ADGRL3: variants seen among roughly 807,000 people sequenced by gnomAD.
The protein encoded by ADGRL3 is adhesion G protein-coupled receptor L3.
ADGRL3 carries 62 observed loss-of-function variants against 153.5 expected under a neutral mutation model. That is an observed-to-expected ratio of 0.40 (90% CI 0.33 to 0.50). The LOEUF (loss-of-function observed/expected upper bound fraction) is 0.50. ADGRL3 is among the 20% of genes least tolerant of loss of function. ADGRL3 has a pLI of 0.47. For missense variants in ADGRL3, 1,641 were observed against 1,859.4 expected (o/e 0.88, Z 2.16); for synonymous variants, 710 against 672.5 (o/e 1.06, Z -0.86).
chr4:61,902,476 A>G (rs567383531), intron 11 of ADGRL3, among the ~76,000 whole-genome samples: 8 of 152,312 alleles, frequency 5.3e-5, no homozygotes, highest in African/African-American at 1.7e-4. Context: ...GACTTCAAAT[A>G]CAAACCTAAT....
intron 9 of ADGRL3, among the ~76,000 whole-genome samples, chr4:61,884,874 CT>C (rs999760310): frequency 6.6e-6 from 1 of 151,764 alleles, no homozygotes. Flanking sequence ...ATCCGCCCAC[CT>C]CGGCCTCCCA....
intron 21 of ADGRL3, among the ~76,000 whole-genome samples, chr4:62,010,620 T>TA (rs1310459731): frequency 6.6e-6 from 1 of 152,136 alleles, no homozygotes; most frequent in Non-Finnish European, 1.5e-5. Flanking sequence ...AAACAGTTTT[T>TA]AAAAAATCAA....
At chr4:61,701,390 A>T (rs939310314) in intron 6 of ADGRL3, among the ~76,000 whole-genome samples, 4 of 152,014 alleles carry the variant, frequency 2.6e-5, no homozygotes, top group Non-Finnish European at 5.9e-5. Flanking sequence ...TAAGTTTATA[A>T]GACAACATAA....
chr4:61,489,537 T>C (rs1038225483), intron 2 of ADGRL3, among the ~76,000 whole-genome samples: 27 of 151,996 alleles, frequency 1.8e-4, no homozygotes, highest in African/African-American at 6.0e-4. Flanking sequence ...AACAATACCA[T>C]TCTATCTAAA....
intron 1 of ADGRL3, among the ~76,000 whole-genome samples, chr4:61,333,447 A>G (rs1183071072): frequency 2.0e-5 from 3 of 152,202 alleles, no homozygotes; most frequent in East Asian, 1.9e-4. Context: ...AGCCACCTTA[A>G]TTGAAGTGTG....
chr4:61,237,833 G>C (rs981289298), intron 1 of ADGRL3, among the ~76,000 whole-genome samples: 1 of 152,078 alleles, frequency 6.6e-6, no homozygotes, highest in African/African-American at 2.4e-5. Flanking sequence ...TTGTCATTTT[G>C]CATATCAACA....
intron 8 of ADGRL3, among the ~76,000 whole-genome samples, chr4:61,747,424 A>C (rs1399205795): frequency 6.6e-6 from 1 of 151,894 alleles, no homozygotes; most frequent in Non-Finnish European, 1.5e-5. Context: ...TTTTAGACCA[A>C]TATCTTTGAT....
At chr4:61,715,000 A>G (rs2096077401) in intron 6 of ADGRL3, among the ~76,000 whole-genome samples, 1 of 152,178 alleles carries the variant, frequency 6.6e-6, no homozygotes. Flanking sequence ...TAAGTATTTC[A>G]AGTATTTAAT....
In ADGRL3 at chr4:61,587,436, C is replaced by G; in HGVS notation, c.469C>G (p.Gln157Glu). The G allele has an allele frequency of 6.2e-7, 1 of 1,604,348 alleles. No individual in the cohort carries two copies. Residue 157 changes from glutamine (Q) to glutamate (E), a missense_variant, in exon 5 of 27, where the codon CAA (glutamine) becomes GAA (glutamate). Gln to Glu is a conservative substitution (Grantham distance 29). Around this residue, in one of 5 missense-constraint regions of ADGRL3, gnomAD observed 213 missense variants for 362.1 expected, o/e 0.59. Coordinates refer to ENST00000683033, the MANE Select transcript of ADGRL3 (RefSeq NM_001387552.1). ...GCCAGATGCCTATAAGATTATGTCT[C>G]AAAGGTATGATACTTCTAATATTCT... Reference protein sequence around the residue: ...YLPDAYKIMSQRCNNRTQCAV... With the variant: ...YLPDAYKIMSERCNNRTQCAV...
chr4:61,753,308 A>C (rs925221533), intron 8 of ADGRL3, among the ~76,000 whole-genome samples: 11 of 152,114 alleles, frequency 7.2e-5, no homozygotes, highest in African/African-American at 2.7e-4. Flanking sequence ...TCCAGAAGGC[A>C]GTCACTCAGG....
chr4:61,615,216 C>A (rs2091860067), intron 5 of ADGRL3, among the ~76,000 whole-genome samples: 2 of 152,034 alleles, frequency 1.3e-5, no homozygotes, highest in Admixed American at 1.3e-4. Context: ...TGAGAAATAA[C>A]TCTTCCGAAT....
intron 5 of ADGRL3, among the ~76,000 whole-genome samples, chr4:61,629,012 A>G (rs551818723): frequency 4.9e-4 from 74 of 152,276 alleles, no homozygotes; most frequent in Non-Finnish European, 8.4e-4. Context: ...AAATCTTGCT[A>G]CAGCACTAGG....
In ADGRL3 at chr4:61,205,526, C is replaced by A. The variant is rs566131078; in HGVS notation, c.-240+3761C>A. Among the ~76,000 whole-genome samples the A allele has an allele frequency of 2.5e-3, 379 of 152,124 alleles. 7 individuals are homozygous for A. The highest frequency in any genetic ancestry group is 1.7e-3 in the Non-Finnish European group (117 of 67,984). ...TGCATTTGCTCACTTTGGGAGGAAC[C>A]CTAAAGAATACAGCTGTATTGTAAT... On this transcript the variant is annotated intron_variant, in intron 1 of 26. Coordinates refer to ENST00000683033, the MANE Select transcript of ADGRL3 (RefSeq NM_001387552.1).
intron 4 of ADGRL3, among the ~76,000 whole-genome samples, chr4:61,580,237 ATC>A (rs1237088879): frequency 1.3e-5 from 2 of 152,038 alleles, no homozygotes; most frequent in African/African-American, 2.4e-5. Flanking sequence ...GAGGAATCAA[ATC>A]TGTTTCATTT....
chr4:61,433,797 C>T (rs6551628), intron 2 of ADGRL3, among the ~76,000 whole-genome samples: 65,174 of 151,990 alleles, frequency 0.43, 14,453 homozygotes, highest in Middle Eastern at 0.59. Context: ...ACTTCTTAAA[C>T]TTAACATTTC....
intron 22 of ADGRL3, among the ~76,000 whole-genome samples, chr4:62,030,175 T>G (rs1721195898): frequency 6.6e-6 from 1 of 151,744 alleles, no homozygotes; most frequent in Non-Finnish European, 1.5e-5. Context: ...ATTAACTACT[T>G]TGGGACCATA....
intron 1 of ADGRL3, among the ~76,000 whole-genome samples, chr4:61,226,752 G>C (rs1560368822): frequency 6.6e-6 from 1 of 151,858 alleles, no homozygotes; most frequent in Admixed American, 6.6e-5. Flanking sequence ...GTGGCATGAA[G>C]TTATAATTTC....
chr4:61,316,742 G>T (rs1223886361), intron 1 of ADGRL3, among the ~76,000 whole-genome samples: 1 of 152,106 alleles, frequency 6.6e-6, no homozygotes, highest in Non-Finnish European at 1.5e-5. Context: ...TTCAGAAAAT[G>T]ATTCTATTAA....
At chr4:61,320,756 T>C (rs1174980002) in intron 1 of ADGRL3, among the ~76,000 whole-genome samples, 4 of 152,202 alleles carry the variant, frequency 2.6e-5, no homozygotes, top group Admixed American at 6.5e-5. Flanking sequence ...AAATTAACTA[T>C]CACACTGCTG....
Sources: allele counts gnomAD v4.1 joint callset (sites outside exome capture counted in the v4.1 genomes callset), GRCh38; gene constraint gnomAD v4.1.1; regional missense constraint gnomAD v4.1.1; transcripts MANE v1.5; gene names NCBI Gene and HGNC (gene_info 2026-07-23, HGNC 2026-07-21).